The following F5 variants were observed in gnomAD, a reference collection of about 807,000 sequenced individuals.
F5 encodes the protein coagulation factor V, also known as activated protein c cofactor.
A neutral mutation model predicts 216.4 loss-of-function variants in F5; 138 were observed. That is an observed-to-expected ratio of 0.64 (90% CI 0.56 to 0.73). The LOEUF (loss-of-function observed/expected upper bound fraction) is 0.73. Ranked by LOEUF, F5 falls within the 30% of genes least tolerant of loss-of-function variation. F5 has a pLI of 0.00. For synonymous variants in F5, 916 were observed against 930.7 expected, an observed-to-expected ratio of 0.98 and a Z score of 0.29; for missense variants, 2,403 against 2,674.0, an observed-to-expected ratio of 0.90 and a Z score of 2.24.
At chr1:169,527,138 T>C (rs1271645103) in intron 17 of F5, among the ~76,000 whole-genome samples, 1 of 152,124 alleles carries the variant, frequency 6.6e-6, no homozygotes, top group Non-Finnish European at 1.5e-5. Context: ...TGCCATTACT[T>C]TTAATAGAAG....
rs13306337 is a variant in F5, at chr1:169,520,305, T to C, written c.6193+215A>G. ...GATGTGTCTATATAATCCAGGCACTTTCTTCACAGAGATGCTGTCGGCACT... is the reference window on the plus strand; with the variant it reads ...GATGTGTCTATATAATCCAGGCACTCTCTTCACAGAGATGCTGTCGGCACT... On this transcript the variant is annotated intron_variant, in intron 22 of 24. Transcript: ENST00000367797. 3.3e-5 allele frequency among the ~76,000 whole-genome samples: 5 copies of C among 152,288 alleles called. No individual in the cohort carries two copies. The East Asian group carries it at 7.7e-4, about 23-fold the overall frequency.
At chr1:169,577,731 T>C (rs1660895795) in intron 2 of F5, among the ~76,000 whole-genome samples, 1 of 151,200 alleles carries the variant, frequency 6.6e-6, no homozygotes, top group Admixed American at 6.6e-5. Flanking sequence ...TGAGCCACTA[T>C]GCCCAGCCAA....
chr1:169,515,526 T>C lies in F5; in HGVS notation c.6446A>G (p.Tyr2149Cys). Reference sequence around the variant, plus strand: ...GTAGTGGATGGTATAGCTCTTTACATACATTTCAGAGGACAGAGACTTGCA... The same window carrying C: ...GTAGTGGATGGTATAGCTCTTTACACACATTTCAGAGGACAGAGACTTGCA... The part of the protein sequence containing the change: ...QGCKSLSSEM[Y>C]VKSYTIHYSE... The change falls in exon 24 of 25, where the codon TAT (tyrosine) becomes TGT (cysteine). Residue 2149 changes from tyrosine (Y) to cysteine (C), a missense_variant. Physicochemically the swap from Tyr to Cys is radical, Grantham distance 194. This residue lies in a region of F5 where 659 missense variants were observed against 787.9 expected (regional missense o/e 0.84). Coordinates refer to ENST00000367797, the MANE Select transcript of F5 (RefSeq NM_000130.5). The C allele has an allele frequency of 6.2e-7, 1 of 1,613,674 alleles. No individual in the cohort carries two copies. The highest frequency in any genetic ancestry group is 8.5e-7 in the Non-Finnish European group (1 of 1,179,682).
In F5 at chr1:169,540,565, G is replaced by A. The variant is rs1010156499; in HGVS notation, c.4525C>T (p.Pro1509Ser). ...NDTFLSKEFNPLVIVGLSKDG... is the reference protein window; with the variant it reads ...NDTFLSKEFNSLVIVGLSKDG... ...TTACTGAGGCCCACTATAACCAGTG[G>A]ATTAAATTCCTTTGATAGAAAAGTA... is the stretch of plus-strand genomic sequence containing the variant. The change falls in exon 13 of 25, where the codon CCA becomes TCA. Residue 1509 changes from proline (P) to serine (S), a missense_variant. Pro to Ser is a moderately conservative substitution (Grantham distance 74, BLOSUM62 -1). Around this residue, in one of 4 missense-constraint regions of F5, gnomAD observed 293 missense variants for 270.8 expected, o/e 1.08. Transcript: ENST00000367797. The A allele has an allele frequency of 5.0e-6, 8 of 1,614,010 alleles. No homozygotes were observed. The highest frequency in any genetic ancestry group is 5.9e-6 in the Non-Finnish European group (7 of 1,179,978).
rs775061155 is a variant in F5 at position 169,586,181 on chromosome 1, A to G, written c.158+48T>C. Reference sequence around the variant, plus strand: ...AAAGGGAATGTTCTCTAAAAGAAATAGATTTTCCTCTCTAGAGAAGCCCAC... The same window carrying G: ...AAAGGGAATGTTCTCTAAAAGAAATGGATTTTCCTCTCTAGAGAAGCCCAC... On this transcript the variant is annotated intron_variant, in intron 1 of 24. Coordinates refer to ENST00000367797, the MANE Select transcript of F5 (RefSeq NM_000130.5). The G allele has an allele frequency of 8.1e-6, 13 of 1,610,448 alleles. No individual in the cohort carries two copies. In the Admixed American group the frequency reaches 2.2e-4, roughly 27 times the overall value.
intron 16 of F5, among the ~76,000 whole-genome samples, chr1:169,528,409 T>A (rs1451111430): frequency 6.6e-6 from 1 of 152,166 alleles, no homozygotes; most frequent in East Asian, 1.9e-4. Flanking sequence ...CCATTAACAG[T>A]CTTAATTTTC....
Position 169,513,542 on chromosome 1 carries a change from C to G in F5, c.*771G>C, listed in dbSNP as rs763800714. Among the ~76,000 whole-genome samples, 1 of 152,088 alleles carries G rather than the reference C, an allele frequency of 6.6e-6. No homozygotes were observed. Among genetic ancestry groups the G allele is most frequent in the Admixed American group, 6.6e-5 (1 of 15,250 alleles). Reference sequence around the variant, plus strand: ...TGAGCAGGAACAACTGCATTTAGACCAGCAGTTCCCATGCTCTGTTTTACA... The same window carrying G: ...TGAGCAGGAACAACTGCATTTAGACGAGCAGTTCCCATGCTCTGTTTTACA... On this transcript the variant is annotated 3_prime_UTR_variant, in exon 25 of 25. Coordinates refer to ENST00000367797, the MANE Select transcript of F5 (RefSeq NM_000130.5).
chr1:169,575,782 G>T (rs1223366885), intron 2 of F5, among the ~76,000 whole-genome samples: 1 of 152,024 alleles, frequency 6.6e-6, no homozygotes, highest in Non-Finnish European at 1.5e-5. Flanking sequence ...GGCTTTGTTT[G>T]GTGGGTGTAG....
intron 5 of F5, among the ~76,000 whole-genome samples, chr1:169,558,193 G>A (rs920902964): frequency 2.0e-5 from 3 of 151,774 alleles, no homozygotes; most frequent in African/African-American, 7.3e-5. Context: ...GGCCACAGAA[G>A]GTAGTCTGAT....
At chr1:169,579,399 G>A (rs1660938978) in intron 2 of F5, among the ~76,000 whole-genome samples, 1 of 152,104 alleles carries the variant, frequency 6.6e-6, no homozygotes, top group Admixed American at 6.5e-5. Flanking sequence ...CTCCCTGGGT[G>A]AGTTCACACC....
At position 169,546,541 on chromosome 1, in the gene F5, TG is replaced by T. The variant is rs761037087; in HGVS notation, c.1662del (p.Asn554LysfsTer20). 1 of 1,614,194 alleles carries T rather than the reference TG, an allele frequency of 6.2e-7. No individual in the cohort carries two copies. Among genetic ancestry groups the T allele is most frequent in the Admixed American group, 1.7e-5 (1 of 60,028 alleles). On this transcript the variant is annotated frameshift_variant, in exon 11 of 25. Coordinates refer to ENST00000367797, the MANE Select transcript of F5 (RefSeq NM_000130.5). LOFTEE classifies it high-confidence loss of function. ...ATGTTGTCCTCAAGGTACCAGCTTTTGTTCTCATCAAACACAGCAAACACAG... is the reference window on the plus strand; with the variant it reads ...ATGTTGTCCTCAAGGTACCAGCTTTTTTCTCATCAAACACAGCAAACACAG... ...QQAVFAVFDENKSWYLEDNIN... is the reference protein window; with the variant it reads ...QQAVFAVFDEXKSWYLEDNIN...
At chr1:169,561,314 C>T (rs1042524049) in intron 3 of F5, among the ~76,000 whole-genome samples, 3 of 152,048 alleles carry the variant, frequency 2.0e-5, no homozygotes, top group African/African-American at 7.2e-5. Context: ...GTCTAACTCC[C>T]CTATGCAGGC....
At chr1:169,530,712 C>T (rs2101811490) in intron 15 of F5, 74 bp downstream of exon 15, 1 of 1,314,870 alleles carries the variant, frequency 7.6e-7, no homozygotes, top group Non-Finnish European at 1.1e-6. Context: ...AGAAATAACC[C>T]CGACTCTTCC....
rs781747159 is a variant in F5, at chr1:169,560,657, G to A, written c.483C>T (p.Thr161=). The A allele has an allele frequency of 6.2e-7, 1 of 1,613,720 alleles. No individual in the cohort carries two copies. The highest frequency in any genetic ancestry group is 8.5e-7 in the Non-Finnish European group (1 of 1,179,796). The change falls in exon 4 of 25, where the codon ACC becomes ACT. Residue 161 remains threonine, a synonymous_variant. Coordinates refer to ENST00000367797, the MANE Select transcript of F5 (RefSeq NM_000130.5). ...GTGTGAGGCATGGAGGGTCATCATG[G>A]GTGGGTCCACTGTCCTCACTGATAC... ...EWSISEDSGP[T]HDDPPCLTHI...
rs748561185 is a variant in F5, at chr1:169,542,804, A to G, written c.2286T>C (p.Thr762=). 8 of 1,614,040 alleles carry G rather than the reference A, an allele frequency of 5.0e-6. No homozygotes were observed. In the Admixed American group the frequency reaches 1.3e-4, roughly 27 times the overall value. ...TATCTGTGTTTGAAGAAACGAATTC[A>G]GTGCCATTCTCCAGAGCTAGGGCAG... is the stretch of plus-strand genomic sequence containing the variant. The part of the protein sequence containing the change: ...NLTALALENG[T]EFVSSNTDII... The change falls in exon 13 of 25, where the codon ACT becomes ACC. Residue 762 remains threonine (T), a synonymous_variant. Coordinates refer to ENST00000367797, the MANE Select transcript of F5 (RefSeq NM_000130.5).
At chr1:169,573,449 T>G (rs1477966175) in intron 2 of F5, among the ~76,000 whole-genome samples, 2 of 152,164 alleles carry the variant, frequency 1.3e-5, no homozygotes, top group Non-Finnish European at 2.9e-5. Context: ...GGCCAGCACA[T>G]GTAGCAGAAC....
chr1:169,565,163 T>G (rs1660570545), intron 3 of F5, among the ~76,000 whole-genome samples: 1 of 152,116 alleles, frequency 6.6e-6, no homozygotes, highest in South Asian at 2.1e-4. Flanking sequence ...TGCTCATCAT[T>G]CAGACATCAC....
Position 169,512,389 on chromosome 1 carries a change from A to T in F5, c.*1924T>A, listed in dbSNP as rs1659047864. On this transcript the variant is annotated 3_prime_UTR_variant, in exon 25 of 25. Transcript: ENST00000367797. ...TTCTAGATCAAGAGAGATCCTGCCCAATTTCAGAGTAGAGAAGCCCAGGAC... is the reference window on the plus strand; with the variant it reads ...TTCTAGATCAAGAGAGATCCTGCCCTATTTCAGAGTAGAGAAGCCCAGGAC... Among the ~76,000 whole-genome samples, 1 of 152,060 alleles carries T rather than the reference A, an allele frequency of 6.6e-6. No homozygotes were observed. The highest frequency in any genetic ancestry group is 1.5e-5 in the Non-Finnish European group (1 of 67,972).
intron 5 of F5, among the ~76,000 whole-genome samples, chr1:169,557,554 A>G (rs1451958308): frequency 1.3e-5 from 2 of 152,174 alleles, no homozygotes; most frequent in African/African-American, 4.8e-5. Flanking sequence ...TCATGGAAGG[A>G]GTAGTGATAA....
Sources: allele counts gnomAD v4.1 joint callset (sites outside exome capture counted in the v4.1 genomes callset), GRCh38; gene constraint gnomAD v4.1.1; regional missense constraint gnomAD v4.1.1; transcripts MANE v1.5; gene names NCBI Gene and HGNC (gene_info 2026-07-23, HGNC 2026-07-21).